SNX29: variants seen among roughly 807,000 people sequenced by gnomAD.
SNX29 encodes sorting nexin 29.
Under a neutral mutation model 102.1 loss-of-function variants are expected in SNX29, and 78 were observed. The ratio of observed to expected loss-of-function variants is 0.76; its 90% confidence interval spans 0.64 to 0.92. SNX29 has a LOEUF of 0.92. SNX29 is among the 40% of genes least tolerant of loss of function. SNX29 has a pLI of 0.00. For synonymous variants in SNX29, 580 were observed against 414.5 expected (o/e 1.40, Z -4.85); for missense variants, 1,280 against 1,061.7 (o/e 1.21, Z -2.86).
At chr16:12,119,168 C>CTGACAGTGG (rs2053868522) in intron 11 of SNX29, among the ~76,000 whole-genome samples, 1 of 152,186 alleles carries the variant, frequency 6.6e-6, no homozygotes, top group Non-Finnish European at 1.5e-5. Flanking sequence ...TGGTGGCAGC[C>CTGACAGTGG]ATGTCCCCGC....
intron 10 of SNX29, among the ~76,000 whole-genome samples, chr16:12,073,871 A>G (rs1392428546): frequency 6.6e-6 from 1 of 151,800 alleles, no homozygotes; most frequent in Non-Finnish European, 1.5e-5. Context: ...GTGCATATAT[A>G]TTTAGGATAG....
intron 13 of SNX29, among the ~76,000 whole-genome samples, chr16:12,193,552 T>C (rs1273339660): frequency 6.6e-6 from 1 of 152,210 alleles, no homozygotes; most frequent in Non-Finnish European, 1.5e-5. Context: ...TTTAGTATTA[T>C]ATCTAAGAAA....
chr16:12,426,638 T>C (rs569090383), intron 18 of SNX29, among the ~76,000 whole-genome samples: 4 of 152,250 alleles, frequency 2.6e-5, no homozygotes, highest in East Asian at 3.8e-4. Context: ...GTGAATTTTA[T>C]GGTATGTGAA....
intron 12 of SNX29, among the ~76,000 whole-genome samples, chr16:12,127,784 G>A (rs1318079931): frequency 6.6e-6 from 1 of 152,108 alleles, no homozygotes; most frequent in Non-Finnish European, 1.5e-5. Flanking sequence ...GCAGGCATCT[G>A]AGCACTTATC....
At chr16:11,979,658 A>C (rs867599935) in intron 1 of SNX29, among the ~76,000 whole-genome samples, 2 of 152,158 alleles carry the variant, frequency 1.3e-5, no homozygotes, top group African/African-American at 4.8e-5. Flanking sequence ...ATCTTAGCTT[A>C]CTGCAACCTT....
chr16:12,539,712 C>T (rs1286235429), intron 20 of SNX29, among the ~76,000 whole-genome samples: 1 of 152,202 alleles, frequency 6.6e-6, no homozygotes, highest in Non-Finnish European at 1.5e-5. Flanking sequence ...TGTCATGATT[C>T]TTTACTGTGG....
intron 18 of SNX29, among the ~76,000 whole-genome samples, chr16:12,467,889 GA>G (rs2087133990): frequency 6.6e-6 from 1 of 152,192 alleles, no homozygotes. Context: ...GGAGTGAGGG[GA>G]TAGGCATCGA....
intron 20 of SNX29, among the ~76,000 whole-genome samples, chr16:12,558,147 A>C (rs550025555): frequency 6.6e-6 from 1 of 152,334 alleles, no homozygotes; most frequent in African/African-American, 2.4e-5. Flanking sequence ...AATCCTTTCC[A>C]TCCTTAGCAA....
intron 14 of SNX29, among the ~76,000 whole-genome samples, chr16:12,200,595 G>C (rs1208107239): frequency 1.3e-5 from 2 of 151,920 alleles, no homozygotes; most frequent in African/African-American, 4.8e-5. Context: ...CGATTCTCCT[G>C]CCTCAGCCTC....
chr16:12,294,049 GGGA>G (rs1317503673), intron 15 of SNX29, among the ~76,000 whole-genome samples: 2 of 152,204 alleles, frequency 1.3e-5, no homozygotes, highest in Non-Finnish European at 2.9e-5. Context: ...CCACTCTCCG[GGGA>G]GGAGAACTTT....
rs1014576946 is a variant in SNX29, at chr16:12,573,297, T to C, written c.*4668T>C. 8.8e-6 allele frequency: 2 copies of C among 227,072 alleles called. No homozygotes were observed. Among genetic ancestry groups the C allele is most frequent in the Admixed American group, 5.7e-5 (1 of 17,532 alleles). 14.1% of individuals were successfully genotyped at this position (227,072 alleles called of 1,614,324 possible). The stretch of plus-strand genomic sequence containing the variant: ...TCACTCTAGCCATGAGCCATTGCCA[T>C]CTTATGGGCCCGATTTGGGTACTCT... On this transcript the variant is annotated 3_prime_UTR_variant, in exon 21 of 21. Transcript: ENST00000566228.
At chr16:12,439,819 C>T (rs751305054) in intron 18 of SNX29, among the ~76,000 whole-genome samples, 9 of 152,222 alleles carry the variant, frequency 5.9e-5, no homozygotes, top group Non-Finnish European at 4.4e-5. Flanking sequence ...GGCAGTAGTA[C>T]ACCTTCACCC....
chr16:12,401,738 C>T (rs2083953008), intron 17 of SNX29, among the ~76,000 whole-genome samples: 1 of 152,182 alleles, frequency 6.6e-6, no homozygotes, highest in South Asian at 2.1e-4. Context: ...AAAGGGCTGT[C>T]TGCTTCTTTT....
At chr16:12,212,008 G>A (rs2077197635) in intron 14 of SNX29, among the ~76,000 whole-genome samples, 1 of 152,060 alleles carries the variant, frequency 6.6e-6, no homozygotes, top group Admixed American at 6.5e-5. Flanking sequence ...TTCCTACCCA[G>A]ATCTGTCTGT....
rs543407567 is a variant in SNX29, at chr16:12,177,232, G to A, written c.1596-22369G>A. Among the ~76,000 whole-genome samples the A allele has an allele frequency of 1.3e-5, 2 of 152,294 alleles. 1 individual carries two copies. Among genetic ancestry groups the A allele is most frequent in the South Asian group, 4.1e-4 (2 of 4,826 alleles). ...CTCCCAAAGTGCTGGGATTATGGGT[G>A]TGAGCCACCATGCCTGGCTGAGTTC... On this transcript the variant is annotated intron_variant, in intron 13 of 20. Coordinates refer to ENST00000566228, the MANE Select transcript of SNX29 (RefSeq NM_032167.5).
At chr16:12,538,089 C>G (rs755763074) in intron 20 of SNX29, among the ~76,000 whole-genome samples, 7 of 151,280 alleles carry the variant, frequency 4.6e-5, no homozygotes, top group Admixed American at 1.3e-4. Flanking sequence ...GTGGGCTAAG[C>G]AAATTCACAG....
intron 11 of SNX29, chr16:12,087,066 A>C (rs2052236416): frequency 6.6e-6 from 1 of 152,176 alleles, no homozygotes; most frequent in Non-Finnish European, 1.5e-5. Context: ...AATGTGGTTC[A>C]TGAGTGTGGA....
intron 13 of SNX29, among the ~76,000 whole-genome samples, chr16:12,183,994 C>G (rs560483739): frequency 3.7e-4 from 56 of 152,324 alleles, no homozygotes; most frequent in African/African-American, 1.2e-3. Flanking sequence ...CAAAAAATAA[C>G]CATGACAATG....
At chr16:12,544,556 C>T (rs149309074) in intron 20 of SNX29, among the ~76,000 whole-genome samples, 37 of 152,112 alleles carry the variant, frequency 2.4e-4, no homozygotes, top group African/African-American at 7.5e-4. Context: ...TGGAATGTTA[C>T]AGTGATGGAT....
Sources: allele counts gnomAD v4.1 joint callset (sites outside exome capture counted in the v4.1 genomes callset), GRCh38; gene constraint gnomAD v4.1.1; transcripts MANE v1.5; gene names NCBI Gene and HGNC (gene_info 2026-07-23, HGNC 2026-07-21).